Variants in CIMAP1D observed in about 807,000 individuals in gnomAD.
CIMAP1D encodes CIMAP1 family member D.
the CIMAP1D span, among the ~76,000 whole-genome samples, chr19:465,178 C>A: frequency 4.9e-5 from 5 of 101,636 alleles, no homozygotes; most frequent in African/African-American, 7.8e-5. Flanking sequence ...TGGGTAGATG[C>A]TAGGTGGGTC....
the CIMAP1D span, among the ~76,000 whole-genome samples, chr19:467,935 G>A: frequency 2.0e-5 from 3 of 152,172 alleles, no homozygotes; most frequent in Non-Finnish European, 4.4e-5. Flanking sequence ...CCTGAACTGG[G>A]TGCCTCAGGT....
At chr19:468,509 G>A in the CIMAP1D span, among the ~76,000 whole-genome samples, 9 of 152,322 alleles carry the variant, frequency 5.9e-5, no homozygotes, top group South Asian at 1.9e-3. Flanking sequence ...CTTGTGAGCT[G>A]GTGACCTTGG....
chr19:475,190 C>T, the CIMAP1D span, among the ~76,000 whole-genome samples: 2 of 152,192 alleles, frequency 1.3e-5, no homozygotes, highest in Admixed American at 6.5e-5. Context: ...AACTGAGGCA[C>T]AGCCCAAGGT....
the CIMAP1D span, among the ~76,000 whole-genome samples, chr19:484,111 AT>A: frequency 7.5e-6 from 1 of 133,228 alleles, no homozygotes; most frequent in Non-Finnish European, 1.7e-5. Flanking sequence ...CTCTTGTTTT[AT>A]TTATTTTTTT....
the CIMAP1D span, among the ~76,000 whole-genome samples, chr19:486,209 G>A: frequency 6.6e-6 from 1 of 152,186 alleles, no homozygotes; most frequent in East Asian, 1.9e-4. Flanking sequence ...CCGAGGATTT[G>A]GGGGGCTGGA....
the CIMAP1D span, among the ~76,000 whole-genome samples, chr19:464,735 T>G: frequency 6.6e-6 from 1 of 152,170 alleles, no homozygotes; most frequent in African/African-American, 2.4e-5. Context: ...CCCACCAGAC[T>G]GGGATCCCAT....
chr19:470,012 GC>G, the CIMAP1D span, among the ~76,000 whole-genome samples: 1 of 152,090 alleles, frequency 6.6e-6, no homozygotes, highest in African/African-American at 2.4e-5. Context: ...TCTTCTGGGG[GC>G]TCCACCAAAC....
chr19:464,081 G>A, the CIMAP1D span: 54 of 1,503,310 alleles, frequency 3.6e-5, no homozygotes, highest in Admixed American at 1.6e-4. Flanking sequence ...AGGTGTTTGC[G>A]TCCGGGCTGT....
At chr19:480,787 T>TGTGGGAAG in the CIMAP1D span, among the ~76,000 whole-genome samples, 1 of 69,102 alleles carries the variant, frequency 1.4e-5, no homozygotes, top group African/African-American at 9.5e-5. Flanking sequence ...TGATGGAGAA[T>TGTGGGAAG]GATGATGCAG....
chr19:476,405 G>A, the CIMAP1D span, among the ~76,000 whole-genome samples: 38 of 151,948 alleles, frequency 2.5e-4, no homozygotes, highest in Non-Finnish European at 4.6e-4. Flanking sequence ...GGCCAGGCTG[G>A]TTTCAAACTC....
chr19:466,928 TG>T, the CIMAP1D span, among the ~76,000 whole-genome samples: 7 of 53,488 alleles, frequency 1.3e-4, no homozygotes, highest in Non-Finnish European at 1.4e-4. Context: ...GATAGATGGT[TG>T]GGTGGAGGGT....
At chr19:487,146 G>A in the CIMAP1D span, among the ~76,000 whole-genome samples, 1 of 152,076 alleles carries the variant, frequency 6.6e-6, no homozygotes, top group Non-Finnish European at 1.5e-5. Context: ...CACTCTCCAC[G>A]CCTCACCTAT....
chr19:475,399 T>C, the CIMAP1D span, among the ~76,000 whole-genome samples: 9 of 152,056 alleles, frequency 5.9e-5, no homozygotes, highest in Non-Finnish European at 7.4e-5. Flanking sequence ...AAGTCGTCAG[T>C]AAATGTGATA....
At chr19:472,413 G>A in the CIMAP1D span, 32 of 1,540,280 alleles carry the variant, frequency 2.1e-5, no homozygotes, top group Admixed American at 4.0e-5. Flanking sequence ...GCCTCCGGAC[G>A]AGCGAGTAGG....
At chr19:470,207 CTTTTTT>C in the CIMAP1D span, among the ~76,000 whole-genome samples, 1 of 116,090 alleles carries the variant, frequency 8.6e-6, no homozygotes, top group Non-Finnish European at 1.8e-5. Flanking sequence ...AGGCTAAGTT[CTTTTTT>C]TTTTTTTTTT....
At chr19:483,781 C>A in the CIMAP1D span, among the ~76,000 whole-genome samples, 94 of 152,328 alleles carry the variant, frequency 6.2e-4, 1 homozygote, top group African/African-American at 1.8e-3. Context: ...CCCATGGGGC[C>A]GGCTCTGGGA....
At chr19:479,725 C>T in the CIMAP1D span, among the ~76,000 whole-genome samples, 616 of 125,410 alleles carry the variant, frequency 4.9e-3, no homozygotes, top group African/African-American at 0.014. Flanking sequence ...TTAGTAGAGA[C>T]GGGGGTTTCT....
At chr19:467,740 C>A in the CIMAP1D span, 2 of 1,606,530 alleles carry the variant, frequency 1.2e-6, no homozygotes, top group Middle Eastern at 2.0e-4. Context: ...AGATGGGGCC[C>A]GGGCTGGTGT....
At chr19:474,903 C>G in the CIMAP1D span, 1 of 588,462 alleles carries the variant, frequency 1.7e-6, no homozygotes, top group Non-Finnish European at 2.6e-6. Flanking sequence ...CCTCTTGTCC[C>G]GCAGCAGGGA....
Sources: gnomAD v4.1 joint callset for allele counts (sites outside exome capture counted in the v4.1 genomes callset) on GRCh38, gnomAD v4.1.1 for gene constraint, MANE v1.5 for transcripts, NCBI Gene and HGNC (gene_info 2026-07-23, HGNC 2026-07-21) for gene names.